Variants in ZPR1 observed in about 807,000 individuals in gnomAD.
The protein encoded by ZPR1 is zinc finger protein ZPR1.
Under a neutral mutation model 59.6 loss-of-function variants are expected in ZPR1, and 37 were observed. The ratio of observed to expected loss-of-function variants is 0.62; its 90% CI spans 0.48 to 0.82. The LOEUF (loss-of-function observed/expected upper bound fraction) is 0.82. ZPR1 is among the 40% of genes least tolerant of loss of function. The probability of loss-of-function intolerance (pLI) is 0.00; values close to 1 mark genes in which losing one functional copy is unlikely to be tolerated. For synonymous variants in ZPR1, 191 were observed against 215.2 expected (o/e 0.89, Z 0.99); for missense variants, 527 against 579.9 (o/e 0.91, Z 0.94).
In ZPR1 at chr11:116,785,895, G is replaced by A; in HGVS notation, c.496-13C>T. 6.2e-7 allele frequency: 1 copy of A among 1,612,432 alleles called. No homozygotes were observed. Reference sequence around the variant, plus strand: ...CATCTTTGTTTGCCTGCCATGAACAGAGAGTAAAGCATCAGCCCTGGTGGT... The same window carrying A: ...CATCTTTGTTTGCCTGCCATGAACAAAGAGTAAAGCATCAGCCCTGGTGGT... On this transcript the variant is annotated splice_polypyrimidine_tract_variant and intron_variant, in intron 4 of 13. Transcript: ENST00000227322.
rs367790683 is a variant in ZPR1, at chr11:116,779,874, A to G, written c.1180-37T>C. ...AGAGAACACAGCAAGTAAATTTTAC[A>G]TAACCCCTGGTAAAAAGAGGCTATG... On this transcript the variant is annotated intron_variant, in intron 12 of 13. Transcript: ENST00000227322. 4.3e-5 allele frequency: 46 copies of G among 1,060,254 alleles called. No individual in the cohort carries two copies. The African/African-American group carries it at 7.2e-4, about 17-fold the overall frequency. 65.7% of individuals were successfully genotyped at this position (1,060,254 alleles called of 1,614,324 possible).
rs949698099 is a variant in ZPR1, at chr11:116,777,456, T to G, written c.*1469A>C. ...CTGGCGGATTGCCTGAGCTCAGGAG[T>G]TCGAGACCAGCCTGGGCAACACGGT... On this transcript the variant is annotated 3_prime_UTR_variant, in exon 14 of 14. Coordinates refer to ENST00000227322, the MANE Select transcript of ZPR1 (RefSeq NM_003904.5). The G allele has an allele frequency of 5.9e-5, 9 of 152,094 alleles. No individual in the cohort carries two copies. Among genetic ancestry groups the G allele is most frequent in the Admixed American group, 4.6e-4 (7 of 15,262 alleles). 9.4% of individuals were successfully genotyped at this position (152,094 alleles called of 1,614,324 possible).
intron 12 of ZPR1, among the ~76,000 whole-genome samples, chr11:116,781,026 T>C (rs1219906794): frequency 6.6e-6 from 1 of 152,052 alleles, no homozygotes; most frequent in Non-Finnish European, 1.5e-5. Context: ...AAAAAGCTCC[T>C]TGGAAAATAA....
chr11:116,784,262 G>A (rs1265568772), intron 9 of ZPR1, 116 bp downstream of exon 9: 3 of 1,048,038 alleles, frequency 2.9e-6, no homozygotes, highest in African/African-American at 3.2e-5. Flanking sequence ...CTAAGAAAAA[G>A]ACCCAAGCTA....
chr11:116,783,419 A>G, intron 10 of ZPR1, 111 bp downstream of exon 10: 1 of 913,316 alleles, frequency 1.1e-6, no homozygotes, highest in Non-Finnish European at 1.7e-6. Flanking sequence ...CCAGGGAAGT[A>G]GGAGATACCT....
rs975942179 is a variant in ZPR1, at chr11:116,774,687, G to C, written c.*4238C>G. 1.2e-4 allele frequency: 19 copies of C among 152,374 alleles called. No homozygotes were observed. The highest frequency in any genetic ancestry group is 4.1e-4 in the African/African-American group (17 of 41,572). 9.4% of individuals were successfully genotyped at this position (152,374 alleles called of 1,614,324 possible). A position where few individuals can be genotyped will look rare whatever the true frequency, so the allele number is the denominator to read the frequency against. ...CTGGGGCTCTGAGGGCTTGTGAGAC[G>C]AGGACGCTGGGCTGAGAAGATAGGG... On this transcript the variant is annotated 3_prime_UTR_variant, in exon 14 of 14. Coordinates refer to ENST00000227322, the MANE Select transcript of ZPR1 (RefSeq NM_003904.5).
intron 12 of ZPR1, among the ~76,000 whole-genome samples, chr11:116,781,321 C>T (rs1940802069): frequency 1.3e-5 from 2 of 152,136 alleles, no homozygotes; most frequent in Admixed American, 6.6e-5. Flanking sequence ...CTACCAAGTG[C>T]TTAGCCCAGT....
Position 116,779,496 on chromosome 11 carries a change from T to C in ZPR1, c.1245+276A>G, listed in dbSNP as rs1261951028. ...TTTCTCCTCAATCCATAATCAGATT[T>C]GCAAAATGAAAACTCCAGAACTGGG... On this transcript the variant is annotated intron_variant, in intron 13 of 13. Transcript: ENST00000227322. Among the ~76,000 whole-genome samples, 3 of 151,926 alleles carry C rather than the reference T, an allele frequency of 2.0e-5. No homozygotes were observed. In the East Asian group the frequency reaches 5.8e-4, roughly 29 times the overall value.
At chr11:116,779,701 G>C (rs1591307192) in intron 13 of ZPR1, 71 bp downstream of exon 13, 1 of 1,171,790 alleles carries the variant, frequency 8.5e-7, no homozygotes, top group East Asian at 2.5e-5. Context: ...TCAGTTTCTA[G>C]GGAAATGATA....
chr11:116,782,061 T>G, intron 12 of ZPR1, 97 bp downstream of exon 12: 1 of 802,164 alleles, frequency 1.2e-6, no homozygotes, highest in African/African-American at 1.8e-5. Flanking sequence ...CCCAACATGA[T>G]GGTTAGATGT....
rs1940870389 is a variant in ZPR1 at position 116,785,506 on chromosome 11, C to T, written c.705+8G>A. The T allele has an allele frequency of 6.2e-7, 1 of 1,613,476 alleles. No individual in the cohort carries two copies. Among genetic ancestry groups the T allele is most frequent in the Admixed American group, 1.7e-5 (1 of 59,854 alleles). On this transcript the variant is annotated splice_region_variant and intron_variant, in intron 6 of 13. Transcript: ENST00000227322. ...AGAGCATTCTTCTGGATCCTTCAGT[C>T]CACTTACTTGAAGCCCCAGCATCTC...
At position 116,787,648 on chromosome 11, in the gene ZPR1, T is replaced by G; in HGVS notation, c.172-5A>C. 1 of 1,606,892 alleles carries G rather than the reference T, an allele frequency of 6.2e-7. No individual in the cohort carries two copies. The highest frequency in any genetic ancestry group is 1.1e-5 in the South Asian group (1 of 91,002). ...GAGCAGGAGGCGCGTCATGCCCTGGTGAAGTAGAAAGTAGCTAAGGAAAAA... is the reference window on the plus strand; with the variant it reads ...GAGCAGGAGGCGCGTCATGCCCTGGGGAAGTAGAAAGTAGCTAAGGAAAAA... On this transcript the variant is annotated splice_polypyrimidine_tract_variant and splice_region_variant and intron_variant, in intron 1 of 13. Coordinates refer to ENST00000227322, the MANE Select transcript of ZPR1 (RefSeq NM_003904.5).
chr11:116,787,902 T>G lies in ZPR1; in HGVS notation c.89A>C (p.His30Pro). 6.5e-7 allele frequency: 1 copy of G among 1,533,098 alleles called. No individual in the cohort carries two copies. Among genetic ancestry groups the G allele is most frequent in the Non-Finnish European group, 8.7e-7 (1 of 1,143,224 alleles). 95.0% of individuals were successfully genotyped at this position (1,533,098 alleles called of 1,614,324 possible). A position where few individuals can be genotyped will look rare whatever the true frequency, so the allele number is the denominator to read the frequency against. The change falls in exon 1 of 14, where the codon CAC (histidine) becomes CCC (proline). Residue 30 changes from histidine to proline, a missense_variant. Transcript: ENST00000227322. ...PAPAPPPAPD[H>P]LFRPISAEDE... ...CTCGGCGCTGATGGGCCGGAACAGG[T>G]GATCAGGGGCAGGCGGCGGGGCCGG...
Position 116,779,798 on chromosome 11 carries a change from C to A in ZPR1, c.1219G>T (p.Asp407Tyr), listed in dbSNP as rs1305549507. 1 of 1,594,746 alleles carries A rather than the reference C, an allele frequency of 6.3e-7. No homozygotes were observed. Among genetic ancestry groups the A allele is most frequent in the African/African-American group, 1.4e-5 (1 of 74,046 alleles). ...TGCAAGTAACTGTTTCCTGCTGGAT[C>A]ATCCATAATAAAGTGGGCCTTCATG... is the stretch of plus-strand genomic sequence containing the variant. ...GNMKAHFIMD[D>Y]PAGNSYLQNV... Residue 407 changes from aspartate (D) to tyrosine (Y), a missense_variant, in exon 13 of 14, where the codon GAT becomes TAT. Asp to Tyr is a radical substitution (Grantham distance 160). Coordinates refer to ENST00000227322, the MANE Select transcript of ZPR1 (RefSeq NM_003904.5).
At chr11:116,786,822 A>T in intron 3 of ZPR1, 147 bp downstream of exon 3, 1 of 758,820 alleles carries the variant, frequency 1.3e-6, no homozygotes, top group Non-Finnish European at 2.3e-6. Flanking sequence ...TAAGCTTTCC[A>T]CTCATGATTA....
chr11:116,782,667 G>C (rs1170591431), intron 11 of ZPR1, among the ~76,000 whole-genome samples: 1 of 152,162 alleles, frequency 6.6e-6, no homozygotes, highest in African/African-American at 2.4e-5. Context: ...TAACTTTACA[G>C]TAAAATAAAT....
At chr11:116,779,640 T>C (rs1940774412) in intron 13 of ZPR1, 132 bp downstream of exon 13, 4 of 647,966 alleles carry the variant, frequency 6.2e-6, no homozygotes, top group Non-Finnish European at 1.0e-5. Context: ...CTTATGTATC[T>C]TCTAACTTCT....
intron 5 of ZPR1, 26 bp downstream of exon 5, chr11:116,785,770 G>T: frequency 6.2e-7 from 1 of 1,613,186 alleles, no homozygotes; most frequent in Non-Finnish European, 8.5e-7. Flanking sequence ...CCTAATCAAG[G>T]GCAACTCCAG....
In ZPR1 at chr11:116,786,561, A is replaced by T; in HGVS notation, c.445T>A (p.Leu149Met). The change falls in exon 4 of 14, where the codon TTG becomes ATG. Residue 149 changes from leucine to methionine, a missense_variant. Leu to Met is a conservative substitution (Grantham distance 15). Coordinates refer to ENST00000227322, the MANE Select transcript of ZPR1 (RefSeq NM_003904.5). Reference sequence around the variant, plus strand: ...AGGCCAGAGATAGCACGGGTGATCAATCCTTCAACAGTGGTCAGAGCTTGT... The same window carrying T: ...AGGCCAGAGATAGCACGGGTGATCATTCCTTCAACAGTGGTCAGAGCTTGT... ...QKGALTTVEG[L>M]ITRAISGLEQ... is the part of the protein sequence containing the mutation. 2 of 1,614,232 alleles carry T rather than the reference A, an allele frequency of 1.2e-6. No individual in the cohort carries two copies. Among genetic ancestry groups the T allele is most frequent in the Non-Finnish European group, 1.7e-6 (2 of 1,180,030 alleles).
Sources: gnomAD v4.1 joint callset for allele counts (sites outside exome capture counted in the v4.1 genomes callset) on GRCh38, gnomAD v4.1.1 for gene constraint, MANE v1.5 for transcripts, NCBI Gene and HGNC (gene_info 2026-07-23, HGNC 2026-07-21) for gene names.